The following KIF13B variants were observed in gnomAD, a reference collection of about 807,000 sequenced individuals.
The protein encoded by KIF13B is kinesin family member 13B, also known as kinesin-like protein KIF13B.
In KIF13B, 127 loss-of-function variants were observed where a neutral mutation model predicts 222.0. That is an observed-to-expected ratio of 0.57 (90% CI 0.50 to 0.66). The LOEUF (loss-of-function observed/expected upper bound fraction) is 0.66. Ranked by LOEUF, KIF13B falls within the 30% of genes least tolerant of loss-of-function variation. The pLI, the probability that KIF13B is intolerant of heterozygous loss-of-function variation, is 0.00. For synonymous variants in KIF13B, 976 were observed against 919.0 expected, an observed-to-expected ratio of 1.06 and a Z score of -1.12; for missense variants, 2,173 against 2,379.0, an observed-to-expected ratio of 0.91 and a Z score of 1.80.
At chr8:29,176,282 GA>G (rs1812473779) in intron 9 of KIF13B, 103 bp from the exon 10 acceptor site, 3 of 677,570 alleles carry the variant, frequency 4.4e-6, no homozygotes, top group Middle Eastern at 2.6e-4. Flanking sequence ...ACCTGCATGT[GA>G]GCAGCACCCT....
At chr8:29,244,804 CCCT>C (rs1473092430) in intron 2 of KIF13B, among the ~76,000 whole-genome samples, 3 of 152,148 alleles carry the variant, frequency 2.0e-5, no homozygotes, top group African/African-American at 7.2e-5. Context: ...TCATCCTCAG[CCCT>C]CGAGTCTCTT....
intron 1 of KIF13B, chr8:29,250,105 T>C: frequency 2.5e-6 from 3 of 1,205,524 alleles, no homozygotes; most frequent in Non-Finnish European, 3.3e-6. Flanking sequence ...CACAAGCACA[T>C]TATCAACTCT....
chr8:29,203,797 G>A (rs1215165482), intron 2 of KIF13B, among the ~76,000 whole-genome samples: 1 of 150,750 alleles, frequency 6.6e-6, no homozygotes, highest in African/African-American at 2.5e-5. Flanking sequence ...AGGAGGCTAA[G>A]GCAGGAAAAT....
chr8:29,201,954 T>G (rs1466845615), intron 2 of KIF13B, among the ~76,000 whole-genome samples: 2 of 152,174 alleles, frequency 1.3e-5, no homozygotes, highest in African/African-American at 4.8e-5. Flanking sequence ...TTCTCAACAT[T>G]TGCTTACTCC....
intron 2 of KIF13B, among the ~76,000 whole-genome samples, chr8:29,231,860 C>G (rs1815299662): frequency 6.6e-6 from 1 of 151,998 alleles, no homozygotes; most frequent in South Asian, 2.1e-4. Flanking sequence ...TTATGCATTA[C>G]AAATTCCACT....
In KIF13B at chr8:29,070,467, C is replaced by G. The variant is rs559963152; in HGVS notation, c.*37G>C. On this transcript the variant is annotated 3_prime_UTR_variant, in exon 40 of 40. Transcript: ENST00000524189. The surrounding 1 kb of genome is among the most constrained non-coding windows in gnomAD (Gnocchi z 4.1). Reference sequence around the variant, plus strand: ...GTCACTGGCAGGGCTCAAAAGGGGCCGGGCACCCCCAGAAAAGTTCGCCCT... The same window carrying G: ...GTCACTGGCAGGGCTCAAAAGGGGCGGGGCACCCCCAGAAAAGTTCGCCCT... 1 of 1,601,448 alleles carries G rather than the reference C, an allele frequency of 6.2e-7. No homozygotes were observed. The highest frequency in any genetic ancestry group is 2.2e-5 in the East Asian group (1 of 44,542).
intron 37 of KIF13B, among the ~76,000 whole-genome samples, chr8:29,091,276 A>G (rs1399683790): frequency 6.6e-6 from 1 of 152,222 alleles, no homozygotes; most frequent in Non-Finnish European, 1.5e-5. Flanking sequence ...AAACAGTAAG[A>G]GCATAAGTAA....
At chr8:29,182,447 G>A (rs1338665704) in intron 6 of KIF13B, among the ~76,000 whole-genome samples, 1 of 152,124 alleles carries the variant, frequency 6.6e-6, no homozygotes, top group Admixed American at 6.5e-5. Flanking sequence ...TTATCTCAGG[G>A]CTTCTAGGCT....
intron 2 of KIF13B, among the ~76,000 whole-genome samples, chr8:29,199,756 C>T (rs770983881): frequency 3.3e-5 from 5 of 152,122 alleles, no homozygotes; most frequent in African/African-American, 9.7e-5. Flanking sequence ...TAACAATCTA[C>T]GAATCACACA....
In KIF13B at chr8:29,219,676, C is replaced by T. The variant is rs183302204; in HGVS notation, c.150-23477G>A. Among the ~76,000 whole-genome samples the T allele has an allele frequency of 4.2e-3, 641 of 151,998 alleles. 5 individuals are homozygous for T. Among genetic ancestry groups the T allele is most frequent in the African/African-American group, 0.014 (564 of 41,438 alleles). ...GCTGCGGTGAGAAAATCACCTGAGT[C>T]GGGGAGGCAGAGGCTTCAGTGAGCC... On this transcript the variant is annotated intron_variant, in intron 2 of 39. Transcript: ENST00000524189.
chr8:29,168,329 T>TA (rs1322552664), intron 10 of KIF13B, among the ~76,000 whole-genome samples: 1 of 152,118 alleles, frequency 6.6e-6, no homozygotes, highest in Non-Finnish European at 1.5e-5. Context: ...TTGAGAACAT[T>TA]AAAAATAGAG....
At chr8:29,166,704 C>CA (rs67653605) in intron 11 of KIF13B, among the ~76,000 whole-genome samples, 24,021 of 128,086 alleles carry the variant, frequency 0.19, 2,842 homozygotes, top group African/African-American at 0.31. Context: ...AACTCCACCT[C>CA]AAAAAAAAAA....
chr8:29,170,247 T>C (rs1399579655), intron 10 of KIF13B, among the ~76,000 whole-genome samples: 2 of 152,222 alleles, frequency 1.3e-5, no homozygotes, highest in Admixed American at 1.3e-4. Flanking sequence ...AGTCAGAATT[T>C]TTAAAAGCTG....
At chr8:29,172,793 A>C (rs1812304891) in intron 10 of KIF13B, among the ~76,000 whole-genome samples, 1 of 152,218 alleles carries the variant, frequency 6.6e-6, no homozygotes, top group East Asian at 1.9e-4. Flanking sequence ...AGCCCTTGGC[A>C]TGGCACCAGA....
chr8:29,125,847 G>T (rs1230278214), intron 26 of KIF13B, among the ~76,000 whole-genome samples: 2 of 152,176 alleles, frequency 1.3e-5, no homozygotes, highest in African/African-American at 4.8e-5. Flanking sequence ...GGTGGCTCAT[G>T]CCTGTAATCC....
chr8:29,117,689 T>C (rs1321423409), intron 30 of KIF13B, among the ~76,000 whole-genome samples: 1 of 152,172 alleles, frequency 6.6e-6, no homozygotes, highest in African/African-American at 2.4e-5. Flanking sequence ...AGGGACACTA[T>C]TAAGTAATAA....
intron 2 of KIF13B, among the ~76,000 whole-genome samples, chr8:29,201,466 C>A (rs1813688389): frequency 6.6e-6 from 1 of 152,172 alleles, no homozygotes; most frequent in Admixed American, 6.5e-5. Context: ...TGTTGTAATA[C>A]TTCTGTCCAT....
chr8:29,163,913 G>C (rs924538197), intron 12 of KIF13B, among the ~76,000 whole-genome samples: 1 of 152,156 alleles, frequency 6.6e-6, no homozygotes, highest in Admixed American at 6.5e-5. Flanking sequence ...GCTTCCAAAT[G>C]GGACAATTAT....
chr8:29,173,683 C>G (rs1812349828), intron 10 of KIF13B, among the ~76,000 whole-genome samples: 1 of 151,724 alleles, frequency 6.6e-6, no homozygotes, highest in Non-Finnish European at 1.5e-5. Context: ...GTGGCTCATG[C>G]CTGTAATCCC....
Sources: gnomAD v4.1 joint callset for allele counts (sites outside exome capture counted in the v4.1 genomes callset) on GRCh38, gnomAD v4.1.1 for gene constraint, Gnocchi (gnomAD v3.1) non-coding constraint, MANE v1.5 for transcripts, NCBI Gene and HGNC (gene_info 2026-07-23, HGNC 2026-07-21) for gene names.